RAB3C: variants seen among roughly 807,000 people sequenced by gnomAD.
RAB3C encodes ras-related protein Rab-3C.
Under a neutral mutation model 26.4 loss-of-function variants are expected in RAB3C, and 17 were observed. The observed-to-expected ratio is 0.64, with a 90% confidence interval of 0.44 to 0.97. The LOEUF (loss-of-function observed/expected upper bound fraction) is 0.97, where lower values mean the gene tolerates loss of function less well. Ranked by LOEUF, RAB3C falls within the 50% of genes least tolerant of loss-of-function variation. The probability of loss-of-function intolerance (pLI) is 0.00; values close to 1 mark genes in which losing one functional copy is unlikely to be tolerated. For synonymous variants in RAB3C, 91 were observed against 95.9 expected, an observed-to-expected ratio of 0.95 and a Z score of 0.30; for missense variants, 242 against 281.9, an observed-to-expected ratio of 0.86 and a Z score of 1.01.
chr5:58,738,682 G>A (rs952521004), intron 3 of RAB3C, among the ~76,000 whole-genome samples: 4 of 152,142 alleles, frequency 2.6e-5, no homozygotes, highest in Admixed American at 1.3e-4. Flanking sequence ...GCTATATAGG[G>A]AATTTGAAGA....
At chr5:58,726,166 G>A (rs200148690) in intron 3 of RAB3C, 46 bp downstream of exon 3, 43 of 971,974 alleles carry the variant, frequency 4.4e-5, no homozygotes, top group African/African-American at 9.9e-5. Context: ...ATGGTTCTCC[G>A]GTCAACTCTG....
intron 4 of RAB3C, among the ~76,000 whole-genome samples, chr5:58,833,995 C>T (rs376124580): frequency 5.3e-5 from 8 of 152,266 alleles, no homozygotes; most frequent in South Asian, 2.1e-4. Flanking sequence ...GAGTTGCCTT[C>T]ATTCAATGTC....
At chr5:58,760,519 T>C (rs1214756146) in intron 3 of RAB3C, among the ~76,000 whole-genome samples, 1 of 152,168 alleles carries the variant, frequency 6.6e-6, no homozygotes, top group East Asian at 1.9e-4. Flanking sequence ...GGCATCATGA[T>C]GCTCAAAAAA....
At chr5:58,646,485 G>T (rs1489513593) in intron 2 of RAB3C, among the ~76,000 whole-genome samples, 1 of 151,652 alleles carries the variant, frequency 6.6e-6, no homozygotes, top group Non-Finnish European at 1.5e-5. Context: ...AACAGCGCAA[G>T]CTTCACACCA....
At chr5:58,742,670 A>T (rs1364803707) in intron 3 of RAB3C, among the ~76,000 whole-genome samples, 1 of 152,192 alleles carries the variant, frequency 6.6e-6, no homozygotes, top group Non-Finnish European at 1.5e-5. Flanking sequence ...GTGAATTTTA[A>T]ATATGTATAT....
intron 1 of RAB3C, among the ~76,000 whole-genome samples, chr5:58,583,686 G>C (rs1012818892): frequency 6.6e-6 from 1 of 152,144 alleles, no homozygotes; most frequent in Non-Finnish European, 1.5e-5. Context: ...ATTAAATAAA[G>C]AGAAGCCAAT....
chr5:58,717,218 T>G (rs1050150028), intron 2 of RAB3C, among the ~76,000 whole-genome samples: 1 of 152,152 alleles, frequency 6.6e-6, no homozygotes, highest in African/African-American at 2.4e-5. Flanking sequence ...AACAATAATA[T>G]TCTTCCCTTA....
intron 4 of RAB3C, among the ~76,000 whole-genome samples, chr5:58,829,483 G>C (rs1312235865): frequency 6.6e-6 from 1 of 152,100 alleles, no homozygotes; most frequent in African/African-American, 2.4e-5. Context: ...ACAGGTGAAA[G>C]AATACTTGAA....
At chr5:58,736,000 CT>C (rs1346789335) in intron 3 of RAB3C, among the ~76,000 whole-genome samples, 3 of 152,190 alleles carry the variant, frequency 2.0e-5, no homozygotes, top group Non-Finnish European at 2.9e-5. Flanking sequence ...GAGCCAGGGG[CT>C]TCTCTGGGGT....
intron 2 of RAB3C, among the ~76,000 whole-genome samples, chr5:58,678,732 A>T (rs2111836717): frequency 6.6e-6 from 1 of 152,324 alleles, no homozygotes; most frequent in South Asian, 2.1e-4. Flanking sequence ...CTACATTTTA[A>T]CAATAACCCA....
intron 3 of RAB3C, among the ~76,000 whole-genome samples, chr5:58,743,753 T>A (rs1561307434): frequency 6.6e-6 from 1 of 152,202 alleles, no homozygotes; most frequent in Non-Finnish European, 1.5e-5. Flanking sequence ...TCAGGATTTT[T>A]AAAAAATCTC....
At chr5:58,708,633 G>A (rs1749000033) in intron 2 of RAB3C, among the ~76,000 whole-genome samples, 2 of 152,146 alleles carry the variant, frequency 1.3e-5, no homozygotes, top group South Asian at 4.1e-4. Context: ...AAATACATTT[G>A]TCTGGCACAC....
At chr5:58,728,494 T>A (rs1360107393) in intron 3 of RAB3C, among the ~76,000 whole-genome samples, 1 of 152,078 alleles carries the variant, frequency 6.6e-6, no homozygotes, top group Admixed American at 6.6e-5. Flanking sequence ...ATCTTCAGGT[T>A]CCACCCTCTA....
chr5:58,674,050 A>G (rs1380192560), intron 2 of RAB3C, among the ~76,000 whole-genome samples: 2 of 152,234 alleles, frequency 1.3e-5, no homozygotes, highest in Non-Finnish European at 2.9e-5. Flanking sequence ...CAGAATAGAT[A>G]AGAGTAAGTT....
chr5:58,852,630 G>A lies in RAB3C; in HGVS notation c.*1279G>A, dbSNP rs1241104392. The A allele has an allele frequency of 2.0e-5, 3 of 152,060 alleles. No individual in the cohort carries two copies. Among genetic ancestry groups the A allele is most frequent in the African/African-American group, 7.2e-5 (3 of 41,384 alleles). 9.4% of individuals were successfully genotyped at this position (152,060 alleles called of 1,614,324 possible). ...ATTTAAAAGAGGGAGGAAACCACTG[G>A]AGCATTCTAATTTTGTATCACAAAC... On this transcript the variant is annotated 3_prime_UTR_variant, in exon 5 of 5. Coordinates refer to ENST00000282878, the MANE Select transcript of RAB3C (RefSeq NM_138453.4).
chr5:58,592,572 G>T (rs1461140965), intron 1 of RAB3C, among the ~76,000 whole-genome samples: 1 of 151,984 alleles, frequency 6.6e-6, no homozygotes, highest in Non-Finnish European at 1.5e-5. Context: ...GAACAACCTC[G>T]ATTAGCATTT....
intron 3 of RAB3C, among the ~76,000 whole-genome samples, chr5:58,745,324 G>T (rs1741375747): frequency 6.7e-6 from 1 of 148,490 alleles, no homozygotes. Context: ...TGTGAACCCG[G>T]GAGGCAGAGC....
chr5:58,743,251 TTTTTTG>T (rs748313356), intron 3 of RAB3C, among the ~76,000 whole-genome samples: 21 of 152,148 alleles, frequency 1.4e-4, no homozygotes, highest in African/African-American at 4.6e-4. Context: ...GTAGGCACTG[TTTTTTG>T]TTTTTGTTTT....
At chr5:58,669,356 A>G (rs1312201977) in intron 2 of RAB3C, among the ~76,000 whole-genome samples, 1 of 152,148 alleles carries the variant, frequency 6.6e-6, no homozygotes. Context: ...ATGCAACCTC[A>G]TGTTCAAAGA....
Sources: allele counts gnomAD v4.1 joint callset (sites outside exome capture counted in the v4.1 genomes callset), GRCh38; gene constraint gnomAD v4.1.1; transcripts MANE v1.5; gene names NCBI Gene and HGNC (gene_info 2026-07-23, HGNC 2026-07-21).